LRRC37A2: variants seen among roughly 807,000 people sequenced by gnomAD.
LRRC37A2 encodes leucine rich repeat containing 37 member A2, also known as leucine-rich repeat-containing protein 37A2.
In LRRC37A2, 9 loss-of-function variants were observed where a neutral mutation model predicts 68.8. That is an observed-to-expected ratio of 0.13 (90% CI 0.08 to 0.23). The LOEUF is 0.23. Among genes scored for constraint, LRRC37A2 ranks in the 10% least tolerant of loss-of-function variants. The pLI, the probability that LRRC37A2 is intolerant of heterozygous loss-of-function variation, is 1.00. For synonymous variants in LRRC37A2, 63 were observed against 367.6 expected (o/e 0.17, Z 9.48); for missense variants, 168 against 950.4 (o/e 0.18, Z 10.82).
chr17:46,754,225 T>C, the LRRC37A2 span, among the ~76,000 whole-genome samples: 1 of 151,734 alleles, frequency 6.6e-6, no homozygotes, highest in Non-Finnish European at 1.5e-5. Flanking sequence ...AAAATGTTTC[T>C]TTTGTTAGCT....
chr17:47,021,272 T>A, the LRRC37A2 span, among the ~76,000 whole-genome samples: 2 of 147,400 alleles, frequency 1.4e-5, no homozygotes, highest in African/African-American at 2.5e-5. Flanking sequence ...TTAGAATCCA[T>A]ATGTAAAGTG....
At chr17:46,718,735 A>G in the LRRC37A2 span, among the ~76,000 whole-genome samples, 1 of 152,232 alleles carries the variant, frequency 6.6e-6, no homozygotes, top group Admixed American at 6.5e-5. Flanking sequence ...TGTCAAATGA[A>G]GATAATATTA....
the LRRC37A2 span, chr17:46,932,209 GC>G: frequency 6.2e-7 from 1 of 1,613,946 alleles, no homozygotes; most frequent in Non-Finnish European, 8.5e-7. Context: ...CGTAAGCCAG[GC>G]CCGTGGTGAG....
the LRRC37A2 span, among the ~76,000 whole-genome samples, chr17:46,717,740 G>A: frequency 2.6e-5 from 4 of 152,136 alleles, no homozygotes; most frequent in African/African-American, 7.2e-5. Flanking sequence ...TGTGTCGTTC[G>A]GGGAGTGGGC....
At chr17:47,040,553 A>G in the LRRC37A2 span, among the ~76,000 whole-genome samples, 4 of 125,500 alleles carry the variant, frequency 3.2e-5, no homozygotes, top group Non-Finnish European at 6.8e-5. Context: ...GTCTCGCATT[A>G]TATGTCATGT....
At chr17:46,916,221 T>C in the LRRC37A2 span, among the ~76,000 whole-genome samples, 1 of 152,240 alleles carries the variant, frequency 6.6e-6, no homozygotes, top group Non-Finnish European at 1.5e-5. Context: ...TTACAATCAA[T>C]GTCCTCTCTT....
the LRRC37A2 span, among the ~76,000 whole-genome samples, chr17:46,970,914 C>A: frequency 5.9e-5 from 9 of 152,314 alleles, no homozygotes; most frequent in African/African-American, 1.7e-4. Flanking sequence ...AATCTCAAAC[C>A]TAATTCTATC....
the LRRC37A2 span, among the ~76,000 whole-genome samples, chr17:46,994,187 C>G: frequency 1.3e-5 from 2 of 151,646 alleles, no homozygotes; most frequent in East Asian, 3.9e-4. Flanking sequence ...GAGTTTGAGA[C>G]CAGCCTGGCC....
chr17:46,497,645 A>C, the LRRC37A2 span, among the ~76,000 whole-genome samples: 6 of 150,450 alleles, frequency 4.0e-5, no homozygotes, highest in African/African-American at 1.5e-4. Context: ...CAATGTATGT[A>C]GATATGTATC....
chr17:46,756,316 T>TG, the LRRC37A2 span: 1 of 152,682 alleles, frequency 6.5e-6, no homozygotes, highest in Admixed American at 6.5e-5. Flanking sequence ...ACTGGGTATT[T>TG]GGTTAAAGGT....
chr17:46,888,841 G>C, the LRRC37A2 span, among the ~76,000 whole-genome samples: 45 of 152,130 alleles, frequency 3.0e-4, no homozygotes, highest in Non-Finnish European at 5.1e-4. Context: ...GCTTCACTTG[G>C]ATTTGATTAA....
chr17:46,747,569 C>T, the LRRC37A2 span, among the ~76,000 whole-genome samples: 21 of 152,120 alleles, frequency 1.4e-4, no homozygotes, highest in East Asian at 3.9e-4. Flanking sequence ...TGTGAGCCAC[C>T]GGCCTCAGAG....
chr17:46,912,307 C>A, the LRRC37A2 span, among the ~76,000 whole-genome samples: 1 of 152,228 alleles, frequency 6.6e-6, no homozygotes, highest in Non-Finnish European at 1.5e-5. Context: ...AAAAGCCAGA[C>A]CTTTGCCCTG....
At chr17:46,460,785 TAAGAG>T in the LRRC37A2 span, among the ~76,000 whole-genome samples, 1 of 97,534 alleles carries the variant, frequency 1.0e-5, no homozygotes. Flanking sequence ...TGAAAGGAAT[TAAGAG>T]AGAGTAAGAG....
chr17:47,019,459 C>T, the LRRC37A2 span: 586 of 1,603,404 alleles, frequency 3.7e-4, 29 homozygotes, highest in African/African-American at 6.1e-3. Context: ...CTTGCCATAA[C>T]TCCAGAGCCC....
chr17:46,957,252 C>T, the LRRC37A2 span, among the ~76,000 whole-genome samples: 1 of 152,160 alleles, frequency 6.6e-6, no homozygotes, highest in Non-Finnish European at 1.5e-5. Context: ...TTGCAGTGAG[C>T]TGAGTTTACA....
the LRRC37A2 span, among the ~76,000 whole-genome samples, chr17:46,778,071 G>T: frequency 6.6e-6 from 1 of 152,322 alleles, no homozygotes; most frequent in South Asian, 2.1e-4. Flanking sequence ...ACACAATCCA[G>T]TGCATGGCAC....
chr17:46,863,216 T>G, the LRRC37A2 span, among the ~76,000 whole-genome samples: 1 of 152,224 alleles, frequency 6.6e-6, no homozygotes, highest in Non-Finnish European at 1.5e-5. Flanking sequence ...TGGTAGCCTC[T>G]GCAGCCAGAG....
At chr17:46,747,749 A>C in the LRRC37A2 span, among the ~76,000 whole-genome samples, 1 of 152,216 alleles carries the variant, frequency 6.6e-6, no homozygotes, top group African/African-American at 2.4e-5. Context: ...AAAAACTAAG[A>C]GTAAATAAGA....
Sources: gnomAD v4.1 joint callset for allele counts (sites outside exome capture counted in the v4.1 genomes callset) on GRCh38, gnomAD v4.1.1 for gene constraint, MANE v1.5 for transcripts, NCBI Gene and HGNC (gene_info 2026-07-23, HGNC 2026-07-21) for gene names.